The following PCDH9 variants were observed in gnomAD, a reference collection of about 807,000 sequenced individuals.
The protein encoded by PCDH9 is protocadherin-9.
PCDH9 carries 24 observed loss-of-function variants against 70.6 expected under a neutral mutation model. That is an observed-to-expected ratio of 0.34 (90% CI 0.25 to 0.48). The LOEUF is 0.48. PCDH9 is among the 20% of genes least tolerant of loss of function. The pLI is 0.99. For missense variants in PCDH9, 1,281 were observed against 1,503.6 expected (o/e 0.85, Z 2.45); for synonymous variants, 562 against 558.5 (o/e 1.01, Z -0.09).
At chr13:66,868,862 G>A (rs979701522) in intron 3 of PCDH9, among the ~76,000 whole-genome samples, 1 of 152,088 alleles carries the variant, frequency 6.6e-6, no homozygotes, top group African/African-American at 2.4e-5. Context: ...GCTAGGAATT[G>A]TAGTTTTAAA....
chr13:66,856,242 T>G (rs2139467362), intron 3 of PCDH9, among the ~76,000 whole-genome samples: 1 of 152,174 alleles, frequency 6.6e-6, no homozygotes, highest in South Asian at 2.1e-4. Flanking sequence ...CTAAAGTTTT[T>G]ATTACCATCT....
chr13:66,827,017 T>C (rs1389389408), intron 3 of PCDH9, among the ~76,000 whole-genome samples: 2 of 152,166 alleles, frequency 1.3e-5, no homozygotes, highest in African/African-American at 4.8e-5. Flanking sequence ...TTATTCTGGA[T>C]TGTAAGGGTG....
intron 3 of PCDH9, among the ~76,000 whole-genome samples, chr13:66,683,497 A>G (rs1349430133): frequency 6.6e-6 from 1 of 152,180 alleles, no homozygotes; most frequent in East Asian, 1.9e-4. Flanking sequence ...GCTCTGGTCC[A>G]AGGGATGCAT....
intron 3 of PCDH9, among the ~76,000 whole-genome samples, chr13:66,683,336 G>C (rs2078354585): frequency 6.6e-6 from 1 of 152,140 alleles, no homozygotes; most frequent in Non-Finnish European, 1.5e-5. Flanking sequence ...GCCCTCAATG[G>C]AGACATCTAA....
At chr13:66,370,622 C>T (rs1047609155) in intron 4 of PCDH9, among the ~76,000 whole-genome samples, 10 of 151,360 alleles carry the variant, frequency 6.6e-5, no homozygotes, top group African/African-American at 9.7e-5. Context: ...GGGATCCTCC[C>T]GTATCAGCCT....
In PCDH9 at chr13:67,225,685, T is replaced by C; in HGVS notation, c.2756A>G (p.Asp919Gly). 2 of 1,614,180 alleles carry C rather than the reference T, an allele frequency of 1.2e-6. No individual in the cohort carries two copies. Among genetic ancestry groups the C allele is most frequent in the African/African-American group, 2.7e-5 (2 of 75,050 alleles). The change falls in exon 2 of 5, where the codon GAC (aspartate) becomes GGC (glycine). Residue 919 changes from aspartate (D) to glycine (G), a missense_variant. Transcript: ENST00000377865. ...TGTTGTTGGAGGTGCCGGGCCCCAGTCAAATCTTCCTATACTTTGCTCCTC... is the reference window on the plus strand; with the variant it reads ...TGTTGTTGGAGGTGCCGGGCCCCAGCCAAATCTTCCTATACTTTGCTCCTC... The part of the protein sequence containing the change: ...ELEEQSIGRF[D>G]WGPAPPTTFK...
intron 3 of PCDH9, among the ~76,000 whole-genome samples, chr13:66,669,560 G>A (rs2078143810): frequency 6.6e-6 from 1 of 152,146 alleles, no homozygotes; most frequent in Non-Finnish European, 1.5e-5. Context: ...TCTCAGAGGT[G>A]TTACAGCAGT....
chr13:66,874,301 T>A (rs1191426755), intron 3 of PCDH9, among the ~76,000 whole-genome samples: 1 of 152,166 alleles, frequency 6.6e-6, no homozygotes, highest in African/African-American at 2.4e-5. Flanking sequence ...AAAAGCTAGG[T>A]CAAAGGCATT....
chr13:66,621,008 C>T (rs2077415217), intron 4 of PCDH9, among the ~76,000 whole-genome samples: 1 of 152,064 alleles, frequency 6.6e-6, no homozygotes, highest in Non-Finnish European at 1.5e-5. Context: ...ATGTAAAGCT[C>T]AAATGAATAA....
chr13:66,731,735 C>A (rs2079082234), intron 3 of PCDH9, among the ~76,000 whole-genome samples: 1 of 152,022 alleles, frequency 6.6e-6, no homozygotes, highest in African/African-American at 2.4e-5. Context: ...ATTATAAATA[C>A]CATACCTCAA....
intron 3 of PCDH9, among the ~76,000 whole-genome samples, chr13:66,884,897 T>C (rs2081982828): frequency 6.6e-6 from 1 of 152,170 alleles, no homozygotes; most frequent in African/African-American, 2.4e-5. Flanking sequence ...TTAAAGCATT[T>C]ATATTCTTAT....
At chr13:66,742,805 C>T (rs935876313) in intron 3 of PCDH9, among the ~76,000 whole-genome samples, 3 of 149,082 alleles carry the variant, frequency 2.0e-5, no homozygotes, top group Non-Finnish European at 4.5e-5. Flanking sequence ...TATCATCTCA[C>T]ACCAGTTAGA....
intron 4 of PCDH9, among the ~76,000 whole-genome samples, chr13:66,476,999 T>C (rs1253646329): frequency 6.6e-6 from 1 of 152,068 alleles, no homozygotes. Context: ...TTCAATGATA[T>C]GAGTTATAGA....
intron 2 of PCDH9, among the ~76,000 whole-genome samples, chr13:67,122,875 A>G (rs989314939): frequency 6.6e-6 from 1 of 151,606 alleles, no homozygotes; most frequent in African/African-American, 2.4e-5. Context: ...GACAAATAAT[A>G]TTGCTTTAAA....
At chr13:66,989,835 T>A (rs78391757) in intron 2 of PCDH9, among the ~76,000 whole-genome samples, 3,830 of 151,804 alleles carry the variant, frequency 0.025, 157 homozygotes, top group African/African-American at 0.087. Context: ...CATAAAAAAT[T>A]GAACAAAAAG....
chr13:67,051,381 G>GTTTT (rs1566390103), intron 2 of PCDH9, among the ~76,000 whole-genome samples: 6 of 87,728 alleles, frequency 6.8e-5, no homozygotes, highest in Non-Finnish European at 1.3e-4. Context: ...AACAATACAA[G>GTTTT]ATTTTTTTTT....
At chr13:66,321,560 C>T (rs943920266) in intron 4 of PCDH9, among the ~76,000 whole-genome samples, 4 of 151,774 alleles carry the variant, frequency 2.6e-5, no homozygotes, top group East Asian at 1.9e-4. Flanking sequence ...CTGCCTATCT[C>T]GGAGCCTTTT....
At chr13:66,320,486 T>C (rs1955733985) in intron 4 of PCDH9, among the ~76,000 whole-genome samples, 1 of 152,016 alleles carries the variant, frequency 6.6e-6, no homozygotes, top group African/African-American at 2.4e-5. Context: ...CTGTGAACCT[T>C]TGGCAAGATT....
intron 4 of PCDH9, among the ~76,000 whole-genome samples, chr13:66,515,735 T>TAACAAGAATGTAAATAGTAAAA (rs1338593022): frequency 6.6e-6 from 1 of 151,982 alleles, no homozygotes; most frequent in Non-Finnish European, 1.5e-5. Context: ...AATAGTAAAA[T>TAACAAGAATGTAAATAGTAAAA]TTATAGAAAA....
Sources: allele counts gnomAD v4.1 joint callset (sites outside exome capture counted in the v4.1 genomes callset), GRCh38; gene constraint gnomAD v4.1.1; transcripts MANE v1.5; gene names NCBI Gene and HGNC (gene_info 2026-07-23, HGNC 2026-07-21).